IMPA1: variants seen among roughly 807,000 people sequenced by gnomAD.
IMPA1 encodes the protein D-galactose 1-phosphate phosphatase.
Under a neutral mutation model 34.9 loss-of-function variants are expected in IMPA1, and 21 were observed. The ratio of observed to expected loss-of-function variants is 0.60; its 90% CI spans 0.43 to 0.87. IMPA1 has a LOEUF of 0.87. IMPA1 is among the 40% of genes least tolerant of loss of function. IMPA1 has a pLI of 0.00. For synonymous variants in IMPA1, 95 were observed against 104.4 expected (o/e 0.91, Z 0.55); for missense variants, 299 against 336.4 (o/e 0.89, Z 0.87).
chr8:81,673,006 TG>T (rs1807032932), intron 6 of IMPA1, among the ~76,000 whole-genome samples: 1 of 152,234 alleles, frequency 6.6e-6, no homozygotes, highest in African/African-American at 2.4e-5. Flanking sequence ...CTGGGAACTA[TG>T]TCAGGCAAAC....
intron 7 of IMPA1, among the ~76,000 whole-genome samples, chr8:81,662,559 T>A (rs1806710134): frequency 1.3e-5 from 2 of 152,220 alleles, no homozygotes; most frequent in African/African-American, 4.8e-5. Flanking sequence ...TCCTATCTTA[T>A]GTGGTCCTCC....
chr8:81,685,079 C>A (rs111215889), intron 1 of IMPA1, among the ~76,000 whole-genome samples: 1 of 124,028 alleles, frequency 8.1e-6, no homozygotes, highest in Admixed American at 8.7e-5. Context: ...GATATATATA[C>A]TATAAATAAG....
rs1039379081 is a variant in IMPA1, at chr8:81,685,710, T to C, written c.-25+542A>G. On this transcript the variant is annotated intron_variant, in intron 1 of 8. Transcript: ENST00000256108. The stretch of plus-strand genomic sequence containing the variant: ...TATATATAATATATGAATAGTTATA[T>C]ATATATAAATCACAGTACATTTATT... 58 of 948,238 alleles carry C rather than the reference T, an allele frequency of 6.1e-5. No homozygotes were observed. In the Admixed American group the frequency reaches 6.6e-4, roughly 11 times the overall value. 58.7% of individuals were successfully genotyped at this position (948,238 alleles called of 1,614,324 possible).
intron 4 of IMPA1, among the ~76,000 whole-genome samples, chr8:81,676,994 TA>T (rs376763685): frequency 4.0e-5 from 6 of 150,596 alleles, no homozygotes; most frequent in East Asian, 1.9e-4. Flanking sequence ...TGTCCCCCTT[TA>T]AAAAAAAAGC....
At position 81,683,175 on chromosome 8, in the gene IMPA1, A is replaced by G. The variant is rs1307981833; in HGVS notation, c.-24-1591T>C. On this transcript the variant is annotated intron_variant, in intron 1 of 8. Coordinates refer to ENST00000256108, the MANE Select transcript of IMPA1 (RefSeq NM_005536.4). ...ACTAACTGAACAGCCTAAGAGTGAC[A>G]GCTCAGATTAAGGGAAACAGGAGAG... Among the ~76,000 whole-genome samples the G allele has an allele frequency of 3.3e-5, 5 of 152,314 alleles. No homozygotes were observed. The East Asian group carries it at 9.6e-4, about 29-fold the overall frequency.
At chr8:81,686,038 G>A in intron 1 of IMPA1, 1 of 1,236,530 alleles carries the variant, frequency 8.1e-7, no homozygotes, top group Non-Finnish European at 1.1e-6. Flanking sequence ...GAGGTCGCGT[G>A]AGCGAACCGC....
chr8:81,682,546 G>A (rs1807330815), intron 1 of IMPA1, among the ~76,000 whole-genome samples: 1 of 152,076 alleles, frequency 6.6e-6, no homozygotes, highest in Non-Finnish European at 1.5e-5. Flanking sequence ...CCTGATTAAA[G>A]CATTTTTTAA....
chr8:81,660,983 T>G (rs920526671), intron 7 of IMPA1, among the ~76,000 whole-genome samples: 1 of 152,198 alleles, frequency 6.6e-6, no homozygotes, highest in African/African-American at 2.4e-5. Flanking sequence ...TTTGTCTAAA[T>G]CCAGCTACTA....
chr8:81,670,982 C>T lies in IMPA1; in HGVS notation c.523G>A (p.Val175Ile), dbSNP rs375076200. 1.3e-6 allele frequency: 2 copies of T among 1,536,582 alleles called. No individual in the cohort carries two copies. Among genetic ancestry groups the T allele is most frequent in the African/African-American group, 1.4e-5 (1 of 69,750 alleles). Reference protein sequence around the residue: ...SSRTPETVRMVLSNMEKLFCI... With the variant: ...SSRTPETVRMILSNMEKLFCI... ...AAAAGCTTTTCCATATTAGAAAGAACCATTCTCACAGTCTCTGGTGTTCTG... is the reference window on the plus strand; with the variant it reads ...AAAAGCTTTTCCATATTAGAAAGAATCATTCTCACAGTCTCTGGTGTTCTG... The change falls in exon 7 of 9, where the codon GTT becomes ATT. Residue 175 changes from valine (V) to isoleucine (I), a missense_variant. Transcript: ENST00000256108.
chr8:81,684,714 A>C (rs867736966), intron 1 of IMPA1, among the ~76,000 whole-genome samples: 23 of 139,678 alleles, frequency 1.6e-4, no homozygotes, highest in African/African-American at 5.6e-4. Context: ...ACATAAGTAT[A>C]TTTAGATACT....
intron 6 of IMPA1, among the ~76,000 whole-genome samples, chr8:81,672,205 GAA>G (rs1485701194): frequency 5.3e-5 from 8 of 152,216 alleles, no homozygotes; most frequent in African/African-American, 1.9e-4. Flanking sequence ...TTGCTGCACT[GAA>G]AAGAATTTCA....
At chr8:81,670,232 G>GA (rs906786675) in intron 7 of IMPA1, among the ~76,000 whole-genome samples, 3 of 151,632 alleles carry the variant, frequency 2.0e-5, no homozygotes, top group Non-Finnish European at 2.9e-5. Flanking sequence ...CAGAATTTAT[G>GA]AAAAAAATAA....
chr8:81,667,585 C>T (rs749065366), intron 7 of IMPA1, among the ~76,000 whole-genome samples: 9 of 152,030 alleles, frequency 5.9e-5, no homozygotes, highest in African/African-American at 1.2e-4. Context: ...CCTGCATTTC[C>T]GTGAATGAAG....
intron 7 of IMPA1, among the ~76,000 whole-genome samples, chr8:81,663,327 A>G: frequency 6.6e-6 from 1 of 152,222 alleles, no homozygotes; most frequent in Non-Finnish European, 1.5e-5. Flanking sequence ...AGCTATTGAC[A>G]GAGGCTCTCT....
chr8:81,659,336 A>T lies in IMPA1; in HGVS notation c.*15T>A, dbSNP rs1186365750. On this transcript the variant is annotated 3_prime_UTR_variant, in exon 9 of 9. Transcript: ENST00000256108. ...TGGGGAAAAGCAACTGGGATTGACTATGAGGCTGCCTTAATTAATCTTCGT... is the reference window on the plus strand; with the variant it reads ...TGGGGAAAAGCAACTGGGATTGACTTTGAGGCTGCCTTAATTAATCTTCGT... The T allele has an allele frequency of 7.0e-7, 1 of 1,427,502 alleles. No homozygotes were observed. Among genetic ancestry groups the T allele is most frequent in the South Asian group, 1.1e-5 (1 of 87,324 alleles). The allele number at this position is 1,427,502 out of a possible 1,614,324, so 88.4% of individuals were successfully genotyped here.
intron 3 of IMPA1, among the ~76,000 whole-genome samples, chr8:81,679,615 GA>G (rs35868443): frequency 8.5e-4 from 114 of 134,022 alleles, no homozygotes; most frequent in Admixed American, 1.1e-3. Context: ...TCTGTCTCAG[GA>G]AAAAAAAAAA....
At chr8:81,672,048 A>C (rs1807002434) in intron 6 of IMPA1, among the ~76,000 whole-genome samples, 1 of 152,370 alleles carries the variant, frequency 6.6e-6, no homozygotes, top group Admixed American at 6.5e-5. Flanking sequence ...AAAAATAAGA[A>C]TGCATCCTCC....
At chr8:81,669,187 T>C (rs147254979) in intron 7 of IMPA1, among the ~76,000 whole-genome samples, 5 of 152,208 alleles carry the variant, frequency 3.3e-5, no homozygotes, top group Admixed American at 2.6e-4. Context: ...TAAAGCCTAG[T>C]AGAGCCCAGG....
chr8:81,668,555 T>C (rs1806900327), intron 7 of IMPA1, among the ~76,000 whole-genome samples: 1 of 152,102 alleles, frequency 6.6e-6, no homozygotes, highest in African/African-American at 2.4e-5. Context: ...ATTGCACCAC[T>C]GCAATCCAGC....
Sources: allele counts gnomAD v4.1 joint callset (sites outside exome capture counted in the v4.1 genomes callset), GRCh38; gene constraint gnomAD v4.1.1; transcripts MANE v1.5; gene names NCBI Gene and HGNC (gene_info 2026-07-23, HGNC 2026-07-21).